Variants in NECTIN1 observed in about 807,000 individuals in gnomAD.
The protein encoded by NECTIN1 is nectin cell adhesion molecule 1.
In NECTIN1, 23 loss-of-function variants were observed where a neutral mutation model predicts 48.0. That is an observed-to-expected ratio of 0.48 (90% CI 0.34 to 0.68). The LOEUF is 0.68. NECTIN1 is among the 30% of genes least tolerant of loss of function. The pLI, the probability that NECTIN1 is intolerant of heterozygous loss-of-function variation, is 0.01. For synonymous variants in NECTIN1, 270 were observed against 288.9 expected (o/e 0.93, Z 0.66); for missense variants, 591 against 709.9 (o/e 0.83, Z 1.90).
At chr11:119,704,233 T>C (rs1446911241) in intron 1 of NECTIN1, among the ~76,000 whole-genome samples, 1 of 151,950 alleles carries the variant, frequency 6.6e-6, no homozygotes, top group Non-Finnish European at 1.5e-5. Flanking sequence ...CCTTTTTTTT[T>C]TGTATCTGAG....
At position 119,683,444 on chromosome 11, in the gene NECTIN1, A is replaced by T. The variant is rs752747548; in HGVS notation, c.80-4679T>A. ...GGTGTCCCTCCTAGAATATAACCTC[A>T]GTGCCTCCATTGCCCCTTGTGAGAA... is the stretch of plus-strand genomic sequence containing the variant. On this transcript the variant is annotated intron_variant, in intron 1 of 5. Coordinates refer to ENST00000264025, the MANE Select transcript of NECTIN1 (RefSeq NM_002855.5). The surrounding 1 kb of genome is among the most constrained non-coding windows in gnomAD (Gnocchi z 4.0). Among the ~76,000 whole-genome samples the T allele has an allele frequency of 6.6e-5, 10 of 152,100 alleles. No individual in the cohort carries two copies. The highest frequency in any genetic ancestry group is 1.0e-4 in the Non-Finnish European group (7 of 68,008).
At chr11:119,717,492 A>G (rs1461525574) in intron 1 of NECTIN1, among the ~76,000 whole-genome samples, 1 of 152,160 alleles carries the variant, frequency 6.6e-6, no homozygotes, top group Non-Finnish European at 1.5e-5. Flanking sequence ...GAGATGCAGC[A>G]ATCTAGGCCA....
At position 119,662,330 on chromosome 11, in the gene NECTIN1, C is replaced by T; in HGVS notation, c.*2417G>A. 1 of 985,816 alleles carries T rather than the reference C, an allele frequency of 1.0e-6. No homozygotes were observed. The highest frequency in any genetic ancestry group is 1.2e-6 in the Non-Finnish European group (1 of 829,950). The allele number at this position is 985,816 out of a possible 1,614,324, so 61.1% of individuals were successfully genotyped here. ...TCACATCCCTAGGTCCAAGTGCTGA[C>T]TCCTGCCTCATGCCCACCCTCAGCC... On this transcript the variant is annotated 3_prime_UTR_variant, in exon 6 of 6. Transcript: ENST00000264025. The surrounding 1 kb of genome is among the most constrained non-coding windows in gnomAD (Gnocchi z 5.3).
At chr11:119,647,826 G>T (rs1591438047) in intron 5 of NECTIN1, among the ~76,000 whole-genome samples, 1 of 152,034 alleles carries the variant, frequency 6.6e-6, no homozygotes, top group East Asian at 1.9e-4. Flanking sequence ...ACTTTGAGAG[G>T]CCGAGGTGGG....
Position 119,678,269 on chromosome 11 carries a change from G to A in NECTIN1, c.430+146C>T. ...AGTGAATTGTGGGGTGGCCTGGCTA[G>A]AAGGGACTGGAAGCCTCATGCCTAG... On this transcript the variant is annotated intron_variant, in intron 2 of 5. Transcript: ENST00000264025. This position sits in a 1 kb window ranked among gnomAD's most constrained non-coding sequence, Gnocchi z 4.4. The A allele has an allele frequency of 2.5e-6, 2 of 798,716 alleles. No homozygotes were observed. Among genetic ancestry groups the A allele is most frequent in the South Asian group, 2.9e-5 (2 of 70,102 alleles). The allele number at this position is 798,716 out of a possible 1,614,324, so 49.5% of individuals were successfully genotyped here.
downstream of NECTIN1, among the ~76,000 whole-genome samples, chr11:119,656,996 C>T (rs1864585359): frequency 6.6e-6 from 1 of 152,200 alleles, no homozygotes; most frequent in Admixed American, 6.5e-5. Flanking sequence ...CCCCAAAAAC[C>T]TGCTTCACGA....
At chr11:119,719,413 T>C (rs1315219990) in intron 1 of NECTIN1, among the ~76,000 whole-genome samples, 2 of 152,176 alleles carry the variant, frequency 1.3e-5, no homozygotes, top group Non-Finnish European at 2.9e-5. Context: ...AACACGGACA[T>C]GGGGCCTGAC....
chr11:119,655,373 A>C (rs1282988618), intron 5 of NECTIN1, among the ~76,000 whole-genome samples: 1 of 152,172 alleles, frequency 6.6e-6, no homozygotes, highest in African/African-American at 2.4e-5. Flanking sequence ...TCTACACCAG[A>C]GGCGTCCATT....
chr11:119,713,826 C>T (rs1044773976), intron 1 of NECTIN1: 4 of 455,508 alleles, frequency 8.8e-6, no homozygotes, highest in South Asian at 1.5e-5. Context: ...CAGAGTTCGG[C>T]GAGGGGAGGC....
chr11:119,692,465 C>T (rs1264994070), intron 1 of NECTIN1, among the ~76,000 whole-genome samples: 2 of 151,996 alleles, frequency 1.3e-5, no homozygotes, highest in African/African-American at 4.8e-5. Context: ...CCCATGTTTG[C>T]CACCTGCCTC....
chr11:119,728,492 G>A lies in NECTIN1; in HGVS notation c.62C>T (p.Thr21Ile), dbSNP rs1313805070. The A allele has an allele frequency of 6.2e-7, 1 of 1,602,466 alleles. No individual in the cohort carries two copies. Among genetic ancestry groups the A allele is most frequent in the Non-Finnish European group, 8.5e-7 (1 of 1,175,526 alleles). ...GRWWGLALGL[T>I]AFFLPGVHSQ... ...GCTCTTACCTGGGAGGAAGAATGCG[G>A]TCAAGCCGAGAGCGAGTCCCCACCA... is the stretch of plus-strand genomic sequence containing the variant. The change falls in exon 1 of 6, where the codon ACC becomes ATC. Residue 21 changes from threonine (T) to isoleucine (I), a missense_variant. By Grantham distance (89) the Thr-to-Ile change is moderately conservative. Transcript: ENST00000264025.
chr11:119,705,569 C>T (rs1489416774), intron 1 of NECTIN1, among the ~76,000 whole-genome samples: 10 of 152,180 alleles, frequency 6.6e-5, no homozygotes, highest in South Asian at 4.1e-4. Flanking sequence ...GGCGGGAGAG[C>T]GTCTGGTAAC....
In NECTIN1 at chr11:119,665,767, A is replaced by T. The variant is rs867936740; in HGVS notation, c.1004-470T>A. On this transcript the variant is annotated intron_variant, in intron 5 of 5. Transcript: ENST00000264025. This position sits in a 1 kb window ranked among gnomAD's most constrained non-coding sequence, Gnocchi z 5.1. Reference sequence around the variant, plus strand: ...GCCTGAGGCCACCCAGCAATGATGCATCGTTGCTTCTCCTGCACATAGAAC... The same window carrying T: ...GCCTGAGGCCACCCAGCAATGATGCTTCGTTGCTTCTCCTGCACATAGAAC... Among the ~76,000 whole-genome samples the T allele has an allele frequency of 9.9e-5, 15 of 152,138 alleles. No individual in the cohort carries two copies. The highest frequency in any genetic ancestry group is 3.6e-4 in the African/African-American group (15 of 41,418).
rs915476458 is a variant in NECTIN1, at chr11:119,728,585, G to A, written c.-32C>T. 11 of 1,495,084 alleles carry A rather than the reference G, an allele frequency of 7.4e-6. No individual in the cohort carries two copies. Among genetic ancestry groups the A allele is most frequent in the South Asian group, 1.2e-5 (1 of 81,288 alleles). The allele number at this position is 1,495,084 out of a possible 1,614,324, so 92.6% of individuals were successfully genotyped here. ...CCGGGGGTCCGGCGAGAGGGGCGGC[G>A]AGGGCAGCGCTCCTCGCGCAGCAGA... On this transcript the variant is annotated 5_prime_UTR_variant, in exon 1 of 6. Coordinates refer to ENST00000264025, the MANE Select transcript of NECTIN1 (RefSeq NM_002855.5).
intron 1 of NECTIN1, among the ~76,000 whole-genome samples, chr11:119,706,212 GGAAA>G (rs1299290214): frequency 6.6e-6 from 1 of 152,162 alleles, no homozygotes; most frequent in Non-Finnish European, 1.5e-5. Flanking sequence ...TCACTCAAAG[GGAAA>G]GATATGATCT....
chr11:119,702,423 T>A (rs1865473191), intron 1 of NECTIN1, among the ~76,000 whole-genome samples: 2 of 152,230 alleles, frequency 1.3e-5, no homozygotes, highest in African/African-American at 2.4e-5. Context: ...CCAGATGCCA[T>A]CAAGGCGAGT....
chr11:119,706,551 T>C (rs1049036241), intron 1 of NECTIN1, among the ~76,000 whole-genome samples: 1 of 152,238 alleles, frequency 6.6e-6, no homozygotes, highest in Non-Finnish European at 1.5e-5. Context: ...GGGTGGAAGC[T>C]AAATTTGTGT....
chr11:119,644,040 C>T (rs1169270649), intron 5 of NECTIN1, among the ~76,000 whole-genome samples: 1 of 152,230 alleles, frequency 6.6e-6, no homozygotes, highest in African/African-American at 2.4e-5. Flanking sequence ...TGTTAGTCAT[C>T]AGGGCCTGGG....
At chr11:119,699,705 T>C (rs1347190521) in intron 1 of NECTIN1, among the ~76,000 whole-genome samples, 1 of 152,216 alleles carries the variant, frequency 6.6e-6, no homozygotes, top group Non-Finnish European at 1.5e-5. Flanking sequence ...GGAGTGCTCA[T>C]GAAGTCCTCA....
Sources: gnomAD v4.1 joint callset for allele counts (sites outside exome capture counted in the v4.1 genomes callset) on GRCh38, gnomAD v4.1.1 for gene constraint, Gnocchi (gnomAD v3.1) non-coding constraint, MANE v1.5 for transcripts, NCBI Gene and HGNC (gene_info 2026-07-23, HGNC 2026-07-21) for gene names.